Variants in MSMO1 observed in about 807,000 individuals in gnomAD.
MSMO1 encodes the protein methylsterol monooxygenase 1, also known as C-4 methylsterol oxidase.
A neutral mutation model predicts 30.4 loss-of-function variants in MSMO1; 18 were observed. The ratio of observed to expected loss-of-function variants is 0.59; its 90% CI spans 0.41 to 0.88. The LOEUF (loss-of-function observed/expected upper bound fraction) is 0.88. MSMO1 is among the 40% of genes least tolerant of loss of function. MSMO1 has a pLI of 0.00. For synonymous variants in MSMO1, 84 were observed against 107.9 expected, an observed-to-expected ratio of 0.78 and a Z score of 1.37; for missense variants, 284 against 340.5, an observed-to-expected ratio of 0.83 and a Z score of 1.31.
intron 1 of MSMO1, among the ~76,000 whole-genome samples, chr4:165,331,755 G>GC (rs1419474963): frequency 1.3e-5 from 2 of 152,300 alleles, no homozygotes; most frequent in African/African-American, 4.8e-5. Context: ...ATTAGAAGCA[G>GC]CAGTGGTGAA....
intron 1 of MSMO1, among the ~76,000 whole-genome samples, chr4:165,328,908 G>A (rs1747310604): frequency 6.6e-6 from 1 of 152,186 alleles, no homozygotes; most frequent in Non-Finnish European, 1.5e-5. Context: ...GGCATTAAAG[G>A]AGGCCTAGTA....
intron 2 of MSMO1, among the ~76,000 whole-genome samples, chr4:165,334,822 A>G (rs1352294493): frequency 6.6e-6 from 1 of 152,206 alleles, no homozygotes; most frequent in Non-Finnish European, 1.5e-5. Flanking sequence ...TAGACCATTG[A>G]GAGTATTCAT....
intron 2 of MSMO1, among the ~76,000 whole-genome samples, 194 bp from the exon 3 acceptor site, chr4:165,337,593 CTG>C (rs909657820): frequency 2.6e-5 from 4 of 152,194 alleles, no homozygotes; most frequent in Non-Finnish European, 5.9e-5. Context: ...CTAGGCGCAT[CTG>C]TTAACAGTTT....
rs747035033 is a variant in MSMO1, at chr4:165,338,798, A to G, written c.531+20A>G. The G allele has an allele frequency of 1.9e-6, 3 of 1,565,524 alleles. No homozygotes were observed. The highest frequency in any genetic ancestry group is 1.1e-5 in the South Asian group (1 of 88,758). ...TTTCAGGTATGTGAGAGTTATATTT[A>G]ATTCTTTCTGTTAGAGGCAAAATGT... On this transcript the variant is annotated intron_variant, in intron 4 of 5. Transcript: ENST00000261507.
At position 165,331,917 on chromosome 4, in the gene MSMO1, T is replaced by C. The variant is rs141893778; in HGVS notation, c.-31-1423T>C. Among the ~76,000 whole-genome samples, 984 of 151,852 alleles carry C rather than the reference T, an allele frequency of 6.5e-3. 12 individuals carry two copies. Among genetic ancestry groups the C allele is most frequent in the African/African-American group, 0.022 (911 of 41,174 alleles). ...TTTTTTTCTGTCTTCCATAACACTA[T>C]TTCCTACCCCGCCGCGCTCTGTCTT... is the stretch of plus-strand genomic sequence containing the variant. On this transcript the variant is annotated intron_variant, in intron 1 of 5. Transcript: ENST00000261507.
Position 165,331,736 on chromosome 4 carries a change from A to T in MSMO1, c.-31-1604A>T, listed in dbSNP as rs552142271. 2.0e-5 allele frequency among the ~76,000 whole-genome samples: 3 copies of T among 152,294 alleles called. 1 individual carries two copies. In the South Asian group the frequency reaches 6.2e-4, roughly 32 times the overall value. On this transcript the variant is annotated intron_variant, in intron 1 of 5. Coordinates refer to ENST00000261507, the MANE Select transcript of MSMO1 (RefSeq NM_006745.5). ...TACTCATTTTTAAAATGGTCCAAAA[A>T]ATTCATAAATTAGAAGCAGCAGTGG...
At chr4:165,329,185 T>G (rs1747318762) in intron 1 of MSMO1, among the ~76,000 whole-genome samples, 1 of 152,190 alleles carries the variant, frequency 6.6e-6, no homozygotes, top group Non-Finnish European at 1.5e-5. Flanking sequence ...ATTCTCATAT[T>G]TTTTCTAATC....
At chr4:165,337,410 A>G (rs1171928353) in intron 2 of MSMO1, among the ~76,000 whole-genome samples, 4 of 152,238 alleles carry the variant, frequency 2.6e-5, no homozygotes, top group African/African-American at 7.2e-5. Context: ...AAGGCTTCCA[A>G]TGCTTCGTAT....
chr4:165,329,183 A>G (rs1747318559), intron 1 of MSMO1, among the ~76,000 whole-genome samples: 1 of 151,978 alleles, frequency 6.6e-6, no homozygotes, highest in South Asian at 2.1e-4. Flanking sequence ...CAATTCTCAT[A>G]TTTTTTCTAA....
Position 165,338,739 on chromosome 4 carries a change from A to G in MSMO1, c.492A>G (p.Arg164=). Residue 164 remains arginine, a synonymous_variant, in exon 4 of 6, where the codon AGA becomes AGG. Transcript: ENST00000261507. ...TGCATAGACTCTTACACCACAAAAG[A>G]ATATACAAGTATATTCATAAAGTTC... The part of the protein sequence containing the change: ...YFLHRLLHHK[R]IYKYIHKVHH... The G allele has an allele frequency of 6.3e-7, 1 of 1,594,822 alleles. No homozygotes were observed. Among genetic ancestry groups the G allele is most frequent in the Non-Finnish European group, 8.6e-7 (1 of 1,162,662 alleles).
At chr4:165,340,468 G>A (rs985774675) in intron 5 of MSMO1, 93 bp downstream of exon 5, 14 of 1,083,272 alleles carry the variant, frequency 1.3e-5, no homozygotes, top group Non-Finnish European at 1.9e-5. Context: ...AGACTAATAG[G>A]AGAAGTTAAT....
intron 1 of MSMO1, chr4:165,328,036 C>T (rs1440670145): frequency 1.3e-5 from 2 of 152,300 alleles, no homozygotes; most frequent in Non-Finnish European, 2.9e-5. Context: ...AATGTGTTGT[C>T]TTCGGGAGAC....
At chr4:165,334,901 G>T (rs1451146916) in intron 2 of MSMO1, among the ~76,000 whole-genome samples, 1 of 152,132 alleles carries the variant, frequency 6.6e-6, no homozygotes, top group South Asian at 2.1e-4. Context: ...TGTATCCATG[G>T]ATCCAACCAA....
At chr4:165,336,668 T>A (rs546946758) in intron 2 of MSMO1, among the ~76,000 whole-genome samples, 1 of 152,270 alleles carries the variant, frequency 6.6e-6, no homozygotes, top group East Asian at 1.9e-4. Context: ...ATGCTCAGAT[T>A]AGAAATACAA....
chr4:165,340,617 A>G, intron 5 of MSMO1: 1 of 498,090 alleles, frequency 2.0e-6, no homozygotes, highest in Non-Finnish European at 3.6e-6. Flanking sequence ...AGGACCAGCA[A>G]TTTCCTTATC....
chr4:165,340,415 A>G (rs1338402267), intron 5 of MSMO1, 40 bp downstream of exon 5: 2 of 1,529,804 alleles, frequency 1.3e-6, no homozygotes, highest in African/African-American at 1.4e-5. Context: ...GCATAATGAA[A>G]TATATTTATT....
chr4:165,331,020 T>C (rs1249930337), intron 1 of MSMO1, among the ~76,000 whole-genome samples: 1 of 152,114 alleles, frequency 6.6e-6, no homozygotes. Context: ...AAGGAAGATG[T>C]AGGCTGGGCG....
chr4:165,332,249 G>T (rs1747418014), intron 1 of MSMO1, among the ~76,000 whole-genome samples: 3 of 152,154 alleles, frequency 2.0e-5, no homozygotes, highest in Non-Finnish European at 4.4e-5. Flanking sequence ...TGGGGCTCTT[G>T]CTATGCATAC....
rs139513619 is a variant in MSMO1 at position 165,341,373 on chromosome 4, A to G, written c.687-378A>G. On this transcript the variant is annotated intron_variant, in intron 5 of 5. Coordinates refer to ENST00000261507, the MANE Select transcript of MSMO1 (RefSeq NM_006745.5). ...TTTTATGTGACTTTTCCTAAAAAAC[A>G]TATTTAGTATTTTGGGCTTTATTTA... Among the ~76,000 whole-genome samples, 48 of 152,308 alleles carry G rather than the reference A, an allele frequency of 3.2e-4. No homozygotes were observed. The East Asian group carries it at 5.0e-3, about 16-fold the overall frequency.
Sources: gnomAD v4.1 joint callset for allele counts (sites outside exome capture counted in the v4.1 genomes callset) on GRCh38, gnomAD v4.1.1 for gene constraint, MANE v1.5 for transcripts, NCBI Gene and HGNC (gene_info 2026-07-23, HGNC 2026-07-21) for gene names.